The following ADARB2 variants were observed in gnomAD, a reference collection of about 807,000 sequenced individuals.
ADARB2 encodes the protein adenosine deaminase RNA specific B2 (inactive).
Under a neutral mutation model 62.2 loss-of-function variants are expected in ADARB2, and 25 were observed. The ratio of observed to expected loss-of-function variants is 0.40; its 90% confidence interval spans 0.29 to 0.56. ADARB2 has a LOEUF of 0.56. ADARB2 is among the 20% of genes least tolerant of loss of function. The pLI, the probability that ADARB2 is intolerant of heterozygous loss-of-function variation, is 0.43. For missense variants in ADARB2, 1,071 were observed against 1,077.4 expected (o/e 0.99, Z 0.08); for synonymous variants, 572 against 500.8 (o/e 1.14, Z -1.90).
At chr10:1,274,599 T>C (rs1405151608) in intron 3 of ADARB2, among the ~76,000 whole-genome samples, 1 of 152,144 alleles carries the variant, frequency 6.6e-6, no homozygotes, top group African/African-American at 2.4e-5. Flanking sequence ...CACTGAGTCA[T>C]AACAGTGCAT....
chr10:1,677,814 A>G (rs1834486042), intron 1 of ADARB2, among the ~76,000 whole-genome samples: 1 of 152,148 alleles, frequency 6.6e-6, no homozygotes, highest in Non-Finnish European at 1.5e-5. Context: ...GTCTCTGCAG[A>G]TCCAGGCTCT....
intron 1 of ADARB2, among the ~76,000 whole-genome samples, chr10:1,723,425 G>A (rs1233279663): frequency 6.6e-6 from 1 of 152,208 alleles, no homozygotes; most frequent in East Asian, 1.9e-4. Flanking sequence ...ACCAGGCTCT[G>A]ATTCAGGCTT....
chr10:1,727,565 T>A (rs944011043), intron 1 of ADARB2, among the ~76,000 whole-genome samples: 1 of 152,224 alleles, frequency 6.6e-6, no homozygotes, highest in Non-Finnish European at 1.5e-5. Flanking sequence ...GTAGAAAGAA[T>A]AGAAATGTTC....
At chr10:1,732,454 C>T (rs1280345464) in intron 1 of ADARB2, among the ~76,000 whole-genome samples, 3 of 152,256 alleles carry the variant, frequency 2.0e-5, no homozygotes, top group East Asian at 1.9e-4. Flanking sequence ...CAAACTCGCA[C>T]GTCATATCTA....
chr10:1,601,222 C>A (rs1359677683), intron 1 of ADARB2, among the ~76,000 whole-genome samples: 1 of 152,192 alleles, frequency 6.6e-6, no homozygotes, highest in African/African-American at 2.4e-5. Flanking sequence ...GTGGGAGCTT[C>A]CCTAGGTTTT....
At chr10:1,566,307 A>T (rs1192240619) in intron 1 of ADARB2, among the ~76,000 whole-genome samples, 4 of 152,178 alleles carry the variant, frequency 2.6e-5, no homozygotes, top group African/African-American at 9.7e-5. Context: ...CCCACTTAAC[A>T]GCATCCTGGT....
intron 8 of ADARB2, among the ~76,000 whole-genome samples, 159 bp from the exon 9 acceptor site, chr10:1,185,198 A>G (rs1208998523): frequency 6.6e-6 from 1 of 152,224 alleles, no homozygotes; most frequent in Non-Finnish European, 1.5e-5. Flanking sequence ...CGCAGGGCGG[A>G]GGCTGCAAAT....
chr10:1,526,819 C>G (rs763987688), intron 1 of ADARB2: 1 of 518,822 alleles, frequency 1.9e-6, no homozygotes, highest in Non-Finnish European at 4.0e-6. Context: ...CTGACTCACG[C>G]ACTTGGTGCG....
rs1836655360 is a variant in ADARB2, at chr10:1,180,381, C to T, written c.*2812G>A. On this transcript the variant is annotated 3_prime_UTR_variant, in exon 10 of 10. Transcript: ENST00000381312. ...GCTGTGGGAATCCTGGGACTCGGCCCCCCCAAGCATAGCTGGGGCTGTGGG... is the reference window on the plus strand; with the variant it reads ...GCTGTGGGAATCCTGGGACTCGGCCTCCCCAAGCATAGCTGGGGCTGTGGG... The T allele has an allele frequency of 6.6e-6, 1 of 151,862 alleles. No individual in the cohort carries two copies. Among genetic ancestry groups the T allele is most frequent in the Non-Finnish European group, 1.5e-5 (1 of 67,928 alleles). 9.4% of individuals were successfully genotyped at this position (151,862 alleles called of 1,614,324 possible).
rs1010437392 is a variant in ADARB2, at chr10:1,183,058, A to G, written c.*135T>C. The stretch of plus-strand genomic sequence containing the variant: ...AATTTGTGTTGTTGCTCGTCCAAAC[A>G]TTGCACACTCGCGTGTTTCTGGGAC... On this transcript the variant is annotated 3_prime_UTR_variant, in exon 10 of 10. Coordinates refer to ENST00000381312, the MANE Select transcript of ADARB2 (RefSeq NM_018702.4). The G allele has an allele frequency of 4.3e-5, 44 of 1,013,904 alleles. No individual in the cohort carries two copies. In the Middle Eastern group the frequency reaches 1.6e-3, roughly 37 times the overall value. 62.8% of individuals were successfully genotyped at this position (1,013,904 alleles called of 1,614,324 possible).
At chr10:1,608,781 A>AAAGAAAG (rs1202029256) in intron 1 of ADARB2, among the ~76,000 whole-genome samples, 1 of 150,642 alleles carries the variant, frequency 6.6e-6, no homozygotes, top group East Asian at 2.0e-4. Context: ...AAAGAGAAAG[A>AAAGAAAG]AAGAAAGAAA....
At chr10:1,631,533 C>G (rs1833844337) in intron 1 of ADARB2, among the ~76,000 whole-genome samples, 2 of 152,218 alleles carry the variant, frequency 1.3e-5, no homozygotes, top group Admixed American at 1.3e-4. Context: ...GCTTCCGTCA[C>G]TCTTTGATGC....
rs1836698423 is a variant in ADARB2, at chr10:1,182,962, AAC to A, written c.*229_*230del. The stretch of plus-strand genomic sequence containing the variant: ...CCACAGGAAGAGTCGGCGCTAACTC[AAC>A]AGTGCATGTGCCCCTGGGTGTGGGG... On this transcript the variant is annotated 3_prime_UTR_variant, in exon 10 of 10. Transcript: ENST00000381312. 1 of 542,500 alleles carries A rather than the reference AAC, an allele frequency of 1.8e-6. No homozygotes were observed. Among genetic ancestry groups the A allele is most frequent in the Admixed American group, 3.2e-5 (1 of 31,206 alleles). The allele number at this position is 542,500 out of a possible 1,614,324, so 33.6% of individuals were successfully genotyped here. A position where few individuals can be genotyped will look rare whatever the true frequency, so the allele number is the denominator to read the frequency against.
At chr10:1,698,277 G>A (rs989734709) in intron 1 of ADARB2, among the ~76,000 whole-genome samples, 1 of 152,170 alleles carries the variant, frequency 6.6e-6, no homozygotes, top group South Asian at 2.1e-4. Flanking sequence ...CCACCCATTA[G>A]CAGGTGCGGG....
At chr10:1,487,736 T>A (rs1831561792) in intron 1 of ADARB2, among the ~76,000 whole-genome samples, 1 of 152,222 alleles carries the variant, frequency 6.6e-6, no homozygotes, top group African/African-American at 2.4e-5. Flanking sequence ...GTTTTGCAAT[T>A]TATGTTTTCA....
chr10:1,266,219 C>T (rs1831198425), intron 4 of ADARB2, among the ~76,000 whole-genome samples: 1 of 152,200 alleles, frequency 6.6e-6, no homozygotes, highest in South Asian at 2.1e-4. Flanking sequence ...AACAAAGCTT[C>T]CCAGTGGAAG....
intron 8 of ADARB2, among the ~76,000 whole-genome samples, chr10:1,197,544 C>T (rs1836926607): frequency 6.6e-6 from 1 of 152,248 alleles, no homozygotes; most frequent in Non-Finnish European, 1.5e-5. Context: ...ACAGCCCGTG[C>T]TCTCCTCTAT....
At chr10:1,544,292 T>C (rs1201681037) in intron 1 of ADARB2, among the ~76,000 whole-genome samples, 1 of 152,170 alleles carries the variant, frequency 6.6e-6, no homozygotes, top group Non-Finnish European at 1.5e-5. Context: ...CCACAGCCCC[T>C]CCCGTTGGTC....
chr10:1,707,870 C>T (rs755418569), intron 1 of ADARB2, among the ~76,000 whole-genome samples: 15 of 152,212 alleles, frequency 9.9e-5, no homozygotes, highest in African/African-American at 3.1e-4. Context: ...GCCCGGTCCA[C>T]ACACAGCAGA....
Sources: gnomAD v4.1 joint callset for allele counts (sites outside exome capture counted in the v4.1 genomes callset) on GRCh38, gnomAD v4.1.1 for gene constraint, MANE v1.5 for transcripts, NCBI Gene and HGNC (gene_info 2026-07-23, HGNC 2026-07-21) for gene names.